The following PIGP variants were observed in gnomAD, a reference collection of about 807,000 sequenced individuals.
PIGP encodes the protein phosphatidylinositol glycan anchor biosynthesis class P.
A neutral mutation model predicts 16.9 loss-of-function variants in PIGP; 12 were observed. The ratio of observed to expected loss-of-function variants is 0.71; its 90% CI spans 0.46 to 1.15. PIGP has a LOEUF of 1.15. Ranked by LOEUF, PIGP falls within the 50% of genes most tolerant of loss-of-function variation. The pLI is 0.00. For missense variants in PIGP, 159 were observed against 153.5 expected (o/e 1.04, Z -0.19); for synonymous variants, 57 against 54.7 (o/e 1.04, Z -0.18).
intron 2 of PIGP, 37 bp from the exon 3 acceptor site, chr21:37,069,661 G>T: frequency 7.3e-7 from 1 of 1,361,722 alleles, no homozygotes; most frequent in Non-Finnish European, 1.0e-6. Context: ...AGGAAGAGAA[G>T]TCAGTAAGAC....
intron 2 of PIGP, among the ~76,000 whole-genome samples, chr21:37,070,388 T>C (rs1273125086): frequency 1.3e-5 from 2 of 152,208 alleles, no homozygotes; most frequent in Non-Finnish European, 2.9e-5. Context: ...GACACAATAT[T>C]GAATCCAAAA....
intron 4 of PIGP, among the ~76,000 whole-genome samples, chr21:37,067,060 AC>A (rs1487957725): frequency 6.6e-6 from 1 of 151,084 alleles, no homozygotes; most frequent in Non-Finnish European, 1.5e-5. Flanking sequence ...AAGCTGGAGT[AC>A]AGTGGTGGGA....
chr21:37,066,268 T>A, intron 4 of PIGP, among the ~76,000 whole-genome samples: 1 of 152,196 alleles, frequency 6.6e-6, no homozygotes, highest in South Asian at 2.1e-4. Context: ...CTTGAAAATG[T>A]ATTTAAATCA....
intron 2 of PIGP, chr21:37,072,163 A>G (rs1330179718): frequency 2.3e-6 from 3 of 1,299,582 alleles, no homozygotes; most frequent in Admixed American, 3.4e-5. Context: ...CTCCTCCACA[A>G]GACCACGACC....
chr21:37,072,525 G>A lies in PIGP; in HGVS notation c.-10C>T, dbSNP rs2070145116. ...GTGAATTTTCCACCATTTTTCCTGG[G>A]GCTTTAGACAATCTGTGGAAAAGGA... On this transcript the variant is annotated 5_prime_UTR_variant, in exon 2 of 5. Transcript: ENST00000360525. 1 of 1,614,188 alleles carries A rather than the reference G, an allele frequency of 6.2e-7. No homozygotes were observed. Among genetic ancestry groups the A allele is most frequent in the Non-Finnish European group, 8.5e-7 (1 of 1,180,018 alleles).
At chr21:37,072,756 G>T in intron 1 of PIGP, 1 of 673,112 alleles carries the variant, frequency 1.5e-6, no homozygotes, top group Non-Finnish European at 2.5e-6. Flanking sequence ...CAGGGAGGGG[G>T]GTTCTGGGGC....
chr21:37,072,572 T>C, intron 1 of PIGP, 35 bp from the exon 2 acceptor site: 2 of 1,614,220 alleles, frequency 1.2e-6, no homozygotes, highest in African/African-American at 1.3e-5. Context: ...GTCAGCGATG[T>C]GCTCCGTGGC....
chr21:37,072,857 G>C (rs573981523), intron 1 of PIGP, 143 bp downstream of exon 1: 407 of 450,252 alleles, frequency 9.0e-4, no homozygotes, highest in African/African-American at 7.0e-3. Context: ...CCAGCATGCG[G>C]GCCTACTAGG....
intron 2 of PIGP, among the ~76,000 whole-genome samples, chr21:37,071,701 G>C (rs144880777): frequency 1.3e-5 from 2 of 152,268 alleles, no homozygotes; most frequent in East Asian, 1.9e-4. Context: ...TGGATCACGG[G>C]CACTCAATTT....
intron 2 of PIGP, among the ~76,000 whole-genome samples, chr21:37,071,858 C>A (rs2070066428): frequency 6.6e-6 from 1 of 152,142 alleles, no homozygotes; most frequent in African/African-American, 2.4e-5. Flanking sequence ...AAGGGAGATC[C>A]AGGACGCAAA....
At position 37,069,642 on chromosome 21, in the gene PIGP, A is replaced by C. The variant is rs2069966216; in HGVS notation, c.83-18T>G. The C allele has an allele frequency of 6.6e-7, 1 of 1,507,104 alleles. No homozygotes were observed. The highest frequency in any genetic ancestry group is 1.2e-5 in the South Asian group (1 of 80,368). 93.4% of individuals were successfully genotyped at this position (1,507,104 alleles called of 1,614,324 possible). Reference sequence around the variant, plus strand: ...GTAAAGTACTGTAGAAAAGAAAAAGAAAAAAAAGAGGAAGAGAAGTCAGTA... The same window carrying C: ...GTAAAGTACTGTAGAAAAGAAAAAGCAAAAAAAGAGGAAGAGAAGTCAGTA... On this transcript the variant is annotated intron_variant, in intron 2 of 4. Coordinates refer to ENST00000360525, the MANE Select transcript of PIGP (RefSeq NM_153682.3).
chr21:37,072,525 G>T lies in PIGP; in HGVS notation c.-10C>A. 1 of 1,614,188 alleles carries T rather than the reference G, an allele frequency of 6.2e-7. No individual in the cohort carries two copies. The highest frequency in any genetic ancestry group is 1.1e-5 in the South Asian group (1 of 91,076). ...GTGAATTTTCCACCATTTTTCCTGG[G>T]GCTTTAGACAATCTGTGGAAAAGGA... On this transcript the variant is annotated 5_prime_UTR_variant, in exon 2 of 5. Transcript: ENST00000360525.
intron 3 of PIGP, among the ~76,000 whole-genome samples, chr21:37,068,252 T>G (rs2835571): frequency 0.15 from 22,583 of 151,456 alleles, 1,801 homozygotes; most frequent in African/African-American, 0.19. Context: ...TTTCTCTTTC[T>G]GGAACTTCTA....
intron 2 of PIGP, chr21:37,072,079 TG>T (rs2070092555): frequency 1.2e-6 from 1 of 804,762 alleles, no homozygotes. Context: ...CTTTCCAGTC[TG>T]GTTTCAATGT....
chr21:37,069,234 T>C (rs2069957582), intron 3 of PIGP: 1 of 170,802 alleles, frequency 5.9e-6, no homozygotes, highest in East Asian at 1.6e-4. Flanking sequence ...CAATCCACTT[T>C]CCAAAATGTG....
intron 1 of PIGP, 41 bp from the exon 2 acceptor site, chr21:37,072,578 G>A: frequency 2.5e-6 from 4 of 1,614,120 alleles, no homozygotes; most frequent in African/African-American, 1.3e-5. Context: ...GATGTGCTCC[G>A]TGGCACCATT....
chr21:37,072,787 C>T, intron 1 of PIGP: 1 of 581,692 alleles, frequency 1.7e-6, no homozygotes, highest in Non-Finnish European at 3.0e-6. Context: ...CGCTCCAGCT[C>T]TGCAAGCGTG....
intron 2 of PIGP, among the ~76,000 whole-genome samples, chr21:37,070,542 A>G (rs1735038714): frequency 6.6e-6 from 1 of 152,158 alleles, no homozygotes; most frequent in Admixed American, 6.5e-5. Flanking sequence ...TCCACTTCGT[A>G]TCCTCCTTCC....
intron 2 of PIGP, 129 bp downstream of exon 2, chr21:37,072,305 G>A (rs2070115711): frequency 2.5e-6 from 4 of 1,601,040 alleles, no homozygotes; most frequent in Non-Finnish European, 3.4e-6. Context: ...GATCCCTTCA[G>A]ATTTTCTTAA....
Sources: gnomAD v4.1 joint callset for allele counts (sites outside exome capture counted in the v4.1 genomes callset) on GRCh38, gnomAD v4.1.1 for gene constraint, MANE v1.5 for transcripts, NCBI Gene and HGNC (gene_info 2026-07-23, HGNC 2026-07-21) for gene names.